Variants in SUGCT observed in about 807,000 individuals in gnomAD.
The protein encoded by SUGCT is succinyl-CoA:glutarate CoA-transferase.
In SUGCT, 41 loss-of-function variants were observed where a neutral mutation model predicts 55.0. The observed-to-expected ratio is 0.74, with a 90% CI of 0.58 to 0.97. The LOEUF (loss-of-function observed/expected upper bound fraction) is 0.97. Ranked by LOEUF, SUGCT falls within the 50% of genes least tolerant of loss-of-function variation. SUGCT has a pLI of 0.00. For missense variants in SUGCT, 568 were observed against 547.8 expected, an observed-to-expected ratio of 1.04 and a Z score of -0.37; for synonymous variants, 187 against 200.4, an observed-to-expected ratio of 0.93 and a Z score of 0.56.
chr7:40,674,663 T>G (rs1802103021), intron 12 of SUGCT, among the ~76,000 whole-genome samples: 1 of 152,120 alleles, frequency 6.6e-6, no homozygotes, highest in Non-Finnish European at 1.5e-5. Flanking sequence ...AATTGGGAAA[T>G]GTATAAAAAT....
chr7:40,463,673 C>A (rs1292747244), intron 11 of SUGCT, among the ~76,000 whole-genome samples: 2 of 152,132 alleles, frequency 1.3e-5, no homozygotes, highest in African/African-American at 4.8e-5. Context: ...CTGCGTTTTC[C>A]ACAGCCAGCA....
the SUGCT span, among the ~76,000 whole-genome samples, chr7:40,897,740 G>C: frequency 6.6e-6 from 1 of 152,122 alleles, no homozygotes; most frequent in East Asian, 1.9e-4. Flanking sequence ...GGTTGAGTGG[G>C]GACTTGGAGA....
intron 13 of SUGCT, among the ~76,000 whole-genome samples, chr7:40,825,738 C>T (rs1302894881): frequency 2.0e-5 from 3 of 152,142 alleles, no homozygotes; most frequent in African/African-American, 7.2e-5. Context: ...ACGGTCCAAA[C>T]AGGCAACCTT....
intron 12 of SUGCT, among the ~76,000 whole-genome samples, chr7:40,497,501 A>G (rs1207335961): frequency 6.6e-6 from 1 of 152,166 alleles, no homozygotes; most frequent in Non-Finnish European, 1.5e-5. Context: ...AATGGTCAAT[A>G]AGTATTTGAG....
chr7:40,266,872 G>A (rs4298414), intron 7 of SUGCT, among the ~76,000 whole-genome samples: 152,003 of 152,172 alleles, frequency 1, 75,917 homozygotes, highest in Non-Finnish European at 1. Flanking sequence ...AAAATTAGCC[G>A]GGCATGGTGA....
intron 6 of SUGCT, among the ~76,000 whole-genome samples, chr7:40,203,012 T>C (rs371638153): frequency 1.3e-5 from 2 of 152,206 alleles, no homozygotes; most frequent in East Asian, 3.8e-4. Flanking sequence ...CCACAGGTGC[T>C]TAGGTAATTC....
intron 6 of SUGCT, among the ~76,000 whole-genome samples, chr7:40,225,969 C>T (rs943142110): frequency 2.0e-5 from 3 of 152,148 alleles, no homozygotes; most frequent in Non-Finnish European, 2.9e-5. Context: ...GAAGCACCAA[C>T]ACAGTCCCTA....
chr7:40,451,244 G>C (rs1023108270), intron 10 of SUGCT, among the ~76,000 whole-genome samples: 58 of 152,094 alleles, frequency 3.8e-4, no homozygotes, highest in Non-Finnish European at 1.2e-4. Flanking sequence ...CGTGGGGTTG[G>C]GGGTGGGAGG....
intron 12 of SUGCT, among the ~76,000 whole-genome samples, chr7:40,659,617 GATTCTTGTGGGTCAT>G (rs1307488482): frequency 6.6e-6 from 1 of 152,164 alleles, no homozygotes; most frequent in African/African-American, 2.4e-5. Context: ...ATACCAACAG[GATTCTTGTGGGTCAT>G]ATTGCAGGCT....
intron 8 of SUGCT, among the ~76,000 whole-genome samples, chr7:40,284,141 G>A (rs961430680): frequency 7.2e-5 from 11 of 151,872 alleles, no homozygotes; most frequent in African/African-American, 2.7e-4. Flanking sequence ...CAGGGGCTGG[G>A]GGTTGGAGGT....
chr7:40,297,322 C>T (rs1309747115), intron 8 of SUGCT, among the ~76,000 whole-genome samples: 1 of 151,886 alleles, frequency 6.6e-6, no homozygotes, highest in East Asian at 1.9e-4. Flanking sequence ...TCTTACTTTG[C>T]TACTACTTTT....
intron 1 of SUGCT, among the ~76,000 whole-genome samples, chr7:40,142,557 C>G (rs991783752): frequency 5.3e-5 from 8 of 152,196 alleles, no homozygotes; most frequent in Non-Finnish European, 8.8e-5. Flanking sequence ...AGTAAGTACA[C>G]CCATTATGGC....
intron 13 of SUGCT, among the ~76,000 whole-genome samples, chr7:40,767,707 G>A (rs549142978): frequency 2.0e-5 from 3 of 152,290 alleles, no homozygotes; most frequent in East Asian, 3.9e-4. Flanking sequence ...CACAGAGATC[G>A]TAGGTTCAAG....
chr7:40,575,943 C>CAAAAA (rs766046012), intron 12 of SUGCT, among the ~76,000 whole-genome samples: 2 of 69,698 alleles, frequency 2.9e-5, no homozygotes, highest in African/African-American at 4.5e-5. Context: ...GACACTGTCT[C>CAAAAA]AAAAAAAAAA....
At chr7:40,948,519 G>A in the SUGCT span, among the ~76,000 whole-genome samples, 6 of 152,034 alleles carry the variant, frequency 3.9e-5, no homozygotes, top group East Asian at 3.9e-4. Flanking sequence ...GATTTGTTAC[G>A]TAGGTATACA....
chr7:40,492,490 G>A (rs572257420), intron 11 of SUGCT, among the ~76,000 whole-genome samples: 9 of 152,208 alleles, frequency 5.9e-5, no homozygotes, highest in Non-Finnish European at 1.3e-4. Context: ...GACCTCTCTG[G>A]GTTCCTTGTT....
chr7:40,313,921 T>G (rs888489331), intron 8 of SUGCT, among the ~76,000 whole-genome samples: 1 of 152,140 alleles, frequency 6.6e-6, no homozygotes, highest in Non-Finnish European at 1.5e-5. Context: ...GCAATTGGCT[T>G]AAAATTTTAT....
intron 9 of SUGCT, among the ~76,000 whole-genome samples, chr7:40,367,080 C>T (rs1381337725): frequency 2.0e-5 from 3 of 151,972 alleles, no homozygotes; most frequent in African/African-American, 4.8e-5. Flanking sequence ...GAATACTATG[C>T]AGCCATAAAA....
chr7:40,758,852 G>A (rs1323970971), intron 13 of SUGCT, among the ~76,000 whole-genome samples: 2 of 152,050 alleles, frequency 1.3e-5, no homozygotes, highest in Non-Finnish European at 2.9e-5. Flanking sequence ...TGTGCCTCTT[G>A]GAGTGGGTTG....
Sources: gnomAD v4.1 joint callset for allele counts (sites outside exome capture counted in the v4.1 genomes callset) on GRCh38, gnomAD v4.1.1 for gene constraint, MANE v1.5 for transcripts, NCBI Gene and HGNC (gene_info 2026-07-23, HGNC 2026-07-21) for gene names.